Variants in ENTHD1 observed in about 807,000 individuals in gnomAD.
ENTHD1 encodes the protein ENTH domain containing 1, also known as ENTH domain-containing protein 1.
Under a neutral mutation model 39.1 loss-of-function variants are expected in ENTHD1, and 23 were observed. That is an observed-to-expected ratio of 0.59 (90% CI 0.42 to 0.83). ENTHD1 has a LOEUF of 0.83. Ranked by LOEUF, ENTHD1 falls within the 40% of genes least tolerant of loss-of-function variation. The probability of loss-of-function intolerance (pLI) is 0.00; values close to 1 mark genes in which losing one functional copy is unlikely to be tolerated. For missense variants in ENTHD1, 624 were observed against 705.4 expected (o/e 0.88, Z 1.31); for synonymous variants, 230 against 258.2 (o/e 0.89, Z 1.05).
intron 5 of ENTHD1, among the ~76,000 whole-genome samples, chr22:39,792,350 C>T (rs371213540): frequency 1.2e-4 from 18 of 152,252 alleles, no homozygotes; most frequent in African/African-American, 4.1e-4. Flanking sequence ...ACACTCCCAC[C>T]CCACCTCTGA....
At chr22:39,801,076 T>A (rs1406838944) in intron 5 of ENTHD1, among the ~76,000 whole-genome samples, 1 of 152,202 alleles carries the variant, frequency 6.6e-6, no homozygotes, top group Non-Finnish European at 1.5e-5. Flanking sequence ...TAAGATATGA[T>A]TATCATAGAC....
intron 1 of ENTHD1, among the ~76,000 whole-genome samples, chr22:39,890,718 T>G (rs1480193386): frequency 1.3e-5 from 2 of 152,156 alleles, no homozygotes; most frequent in Non-Finnish European, 2.9e-5. Flanking sequence ...TAAAATGAAT[T>G]TACATGACAC....
At chr22:39,875,001 A>G (rs1457923382) in intron 2 of ENTHD1, among the ~76,000 whole-genome samples, 1 of 152,200 alleles carries the variant, frequency 6.6e-6, no homozygotes, top group African/African-American at 2.4e-5. Flanking sequence ...ACCAAAGAGA[A>G]CCGAATGCAT....
chr22:39,880,314 G>A (rs1286130374), intron 2 of ENTHD1, among the ~76,000 whole-genome samples: 2 of 152,246 alleles, frequency 1.3e-5, no homozygotes, highest in South Asian at 2.1e-4. Context: ...AATGCTTGCA[G>A]GGGCTGAAGG....
intron 5 of ENTHD1, among the ~76,000 whole-genome samples, chr22:39,803,172 T>C: frequency 6.6e-6 from 1 of 152,124 alleles, no homozygotes; most frequent in East Asian, 1.9e-4. Flanking sequence ...CTGCCTGTCT[T>C]TCTCTGATCT....
chr22:39,783,628 G>T (rs1222332092), intron 5 of ENTHD1, among the ~76,000 whole-genome samples: 2 of 149,506 alleles, frequency 1.3e-5, no homozygotes. Flanking sequence ...GCTGTAAAAG[G>T]TGCCAAGACA....
chr22:39,893,049 G>GAGT (rs1302697546), intron 1 of ENTHD1, among the ~76,000 whole-genome samples: 2 of 152,098 alleles, frequency 1.3e-5, no homozygotes, highest in African/African-American at 4.8e-5. Flanking sequence ...TCACACCCTG[G>GAGT]AGTAAACAGC....
chr22:39,777,206 A>G (rs2065371934), intron 5 of ENTHD1, among the ~76,000 whole-genome samples: 1 of 152,244 alleles, frequency 6.6e-6, no homozygotes, highest in South Asian at 2.1e-4. Flanking sequence ...ATTAATATAG[A>G]GGGGTGACTT....
intron 2 of ENTHD1, among the ~76,000 whole-genome samples, chr22:39,881,498 CCCAATGTTTTT>C (rs1158193749): frequency 1.3e-5 from 2 of 152,156 alleles, no homozygotes; most frequent in South Asian, 2.1e-4. Context: ...GATTTGTTTT[CCCAATGTTTTT>C]CCTACTAGTA....
chr22:39,817,801 GA>G (rs1267300345), intron 5 of ENTHD1, among the ~76,000 whole-genome samples: 1 of 152,206 alleles, frequency 6.6e-6, no homozygotes, highest in Non-Finnish European at 1.5e-5. Flanking sequence ...TTAGCATGCA[GA>G]AAGATTTTAT....
At chr22:39,804,314 T>C (rs1029256805) in intron 5 of ENTHD1, among the ~76,000 whole-genome samples, 1 of 151,998 alleles carries the variant, frequency 6.6e-6, no homozygotes, top group Non-Finnish European at 1.5e-5. Flanking sequence ...AGCGAGACCC[T>C]GTCTCTACAA....
At chr22:39,848,902 C>T (rs951827386) in intron 3 of ENTHD1, among the ~76,000 whole-genome samples, 1 of 152,104 alleles carries the variant, frequency 6.6e-6, no homozygotes, top group African/African-American at 2.4e-5. Context: ...AGGTTAGAGA[C>T]CTCATTTCAT....
At chr22:39,825,557 G>A (rs1326641628) in intron 4 of ENTHD1, among the ~76,000 whole-genome samples, 1 of 151,970 alleles carries the variant, frequency 6.6e-6, no homozygotes, top group Non-Finnish European at 1.5e-5. Flanking sequence ...TTGAGACAGG[G>A]TCTCACTCTG....
At chr22:39,764,054 C>A (rs1029395296) in intron 6 of ENTHD1, among the ~76,000 whole-genome samples, 3 of 152,142 alleles carry the variant, frequency 2.0e-5, no homozygotes, top group African/African-American at 7.2e-5. Flanking sequence ...CAAGGAAAAT[C>A]TTTTGTTACT....
chr22:39,755,691 G>C (rs548608735), intron 6 of ENTHD1, among the ~76,000 whole-genome samples: 1 of 152,270 alleles, frequency 6.6e-6, no homozygotes, highest in Non-Finnish European at 1.5e-5. Context: ...TTGAGGGTTA[G>C]GATGGGACTG....
chr22:39,817,679 T>C (rs899196185), intron 5 of ENTHD1, among the ~76,000 whole-genome samples: 1 of 151,918 alleles, frequency 6.6e-6, no homozygotes, highest in Non-Finnish European at 1.5e-5. Flanking sequence ...GTATATTCAC[T>C]TATATAATTT....
intron 3 of ENTHD1, among the ~76,000 whole-genome samples, chr22:39,854,330 T>A (rs1313956284): frequency 6.6e-6 from 1 of 152,122 alleles, no homozygotes; most frequent in Non-Finnish European, 1.5e-5. Context: ...TTCAGGGAAA[T>A]TTTTCCATGA....
At chr22:39,816,873 TAGC>T (rs975299245) in intron 5 of ENTHD1, among the ~76,000 whole-genome samples, 6 of 151,694 alleles carry the variant, frequency 4.0e-5, no homozygotes, top group South Asian at 2.1e-4. Flanking sequence ...GCAACATAAA[TAGC>T]AGAGAAAGAA....
intron 5 of ENTHD1, among the ~76,000 whole-genome samples, chr22:39,808,194 TC>T (rs1460452499): frequency 6.6e-6 from 1 of 151,010 alleles, no homozygotes; most frequent in Non-Finnish European, 1.5e-5. Context: ...GCTACTATCA[TC>T]ACCCATCCCT....
Sources: allele counts gnomAD v4.1 joint callset (sites outside exome capture counted in the v4.1 genomes callset), GRCh38; gene constraint gnomAD v4.1.1; transcripts MANE v1.5; gene names NCBI Gene and HGNC (gene_info 2026-07-23, HGNC 2026-07-21).